The following SLC1A5 variants were observed in gnomAD, a reference collection of about 807,000 sequenced individuals.
SLC1A5 encodes solute carrier family 1 member 5, also known as neutral amino acid transporter B(0).
A neutral mutation model predicts 34.9 loss-of-function variants in SLC1A5; 25 were observed. The observed-to-expected ratio is 0.72, with a 90% CI of 0.52 to 1.00. SLC1A5 has a LOEUF of 1.00. Ranked by LOEUF, SLC1A5 falls within the 50% of genes least tolerant of loss-of-function variation. The pLI, the probability that SLC1A5 is intolerant of heterozygous loss-of-function variation, is 0.00. For missense variants in SLC1A5, 637 were observed against 740.0 expected, an observed-to-expected ratio of 0.86 and a Z score of 1.61; for synonymous variants, 351 against 341.2, an observed-to-expected ratio of 1.03 and a Z score of -0.32.
chr19:46,781,019 G>A (rs1329439866), intron 4 of SLC1A5, among the ~76,000 whole-genome samples: 2 of 152,066 alleles, frequency 1.3e-5, no homozygotes, highest in Non-Finnish European at 2.9e-5. Flanking sequence ...AAAGACCATG[G>A]CCTGGGTCTT....
At position 46,775,087 on chromosome 19, in the gene SLC1A5, ACACG is replaced by A. The variant is rs2055073529; in HGVS notation, c.*419_*422del. On this transcript the variant is annotated 3_prime_UTR_variant, in exon 8 of 8. Coordinates refer to ENST00000542575, the MANE Select transcript of SLC1A5 (RefSeq NM_005628.3). ...CACACACACACACACACACACACAC[ACACG>A]TGCACACACACATCCCCCCACAACT... is the stretch of plus-strand genomic sequence containing the variant. 1.7e-5 allele frequency: 16 copies of A among 954,592 alleles called. No homozygotes were observed. The highest frequency in any genetic ancestry group is 2.0e-5 in the Non-Finnish European group (16 of 799,282). 59.1% of individuals were successfully genotyped at this position (954,592 alleles called of 1,614,324 possible). A position where few individuals can be genotyped will look rare whatever the true frequency, so the allele number is the denominator to read the frequency against.
rs767413682 is a variant in SLC1A5, at chr19:46,782,410, G to A, written c.797C>T (p.Thr266Ile). Residue 266 changes from threonine (T) to isoleucine (I), a missense_variant, in exon 4 of 8, where the codon ACC becomes ATC. Physicochemically the swap from Thr to Ile is moderately conservative, Grantham distance 89. Coordinates refer to ENST00000542575, the MANE Select transcript of SLC1A5 (RefSeq NM_005628.3). The part of the protein sequence containing the change: ...IRFFNSFNEA[T>I]MVLVSWIMWY... ...CATGATCCAGGAGACCAGAACCATG[G>A]TGGCCTCATTGAAGGAGTTGAAGAA... 8 of 1,604,456 alleles carry A rather than the reference G, an allele frequency of 5.0e-6. No individual in the cohort carries two copies. In the South Asian group the frequency reaches 8.8e-5, roughly 18 times the overall value.
rs781385048 is a variant in SLC1A5 at position 46,778,717 on chromosome 19, C to A, written c.1016G>T (p.Gly339Val). 8 of 1,612,182 alleles carry A rather than the reference C, an allele frequency of 5.0e-6. No homozygotes were observed. Among genetic ancestry groups the A allele is most frequent in the African/African-American group, 1.3e-5 (1 of 74,856 alleles). ...TRKNPYRFLW[G>V]IVTPLATAFG... ...GGCAGTGGCCAGCGGCGTCACGATGCCCCACAGGAAGCGGTAGGGGTTTTT... is the reference window on the plus strand; with the variant it reads ...GGCAGTGGCCAGCGGCGTCACGATGACCCACAGGAAGCGGTAGGGGTTTTT... Residue 339 changes from glycine (G) to valine (V), a missense_variant, in exon 5 of 8, where the codon GGC (glycine) becomes GTC (valine). Gly to Val is a moderately radical substitution (Grantham distance 109). Coordinates refer to ENST00000542575, the MANE Select transcript of SLC1A5 (RefSeq NM_005628.3).
At chr19:46,777,809 C>T (rs2055108671) in intron 5 of SLC1A5, among the ~76,000 whole-genome samples, 1 of 151,110 alleles carries the variant, frequency 6.6e-6, no homozygotes, top group Non-Finnish European at 1.5e-5. Context: ...AACCTAGACC[C>T]CCCTTCCCTC....
Position 46,775,209 on chromosome 19 carries a change from G to A in SLC1A5, c.*301C>T. The A allele has an allele frequency of 9.0e-7, 1 of 1,106,082 alleles. No homozygotes were observed. Among genetic ancestry groups the A allele is most frequent in the South Asian group, 2.9e-5 (1 of 34,070 alleles). The allele number at this position is 1,106,082 out of a possible 1,614,324, so 68.5% of individuals were successfully genotyped here. Reference sequence around the variant, plus strand: ...GACCTGTGACCTGCTCCCTGAGACAGGGGAGGCCAGGCAGGTCACGGTGGG... The same window carrying A: ...GACCTGTGACCTGCTCCCTGAGACAAGGGAGGCCAGGCAGGTCACGGTGGG... On this transcript the variant is annotated 3_prime_UTR_variant, in exon 8 of 8. Transcript: ENST00000542575.
In SLC1A5 at chr19:46,777,122, G is replaced by T. The variant is rs1237271128; in HGVS notation, c.1254-13C>A. The stretch of plus-strand genomic sequence containing the variant: ...TGTGGCCGTGACCCTGAGGGAGAAG[G>T]TGGGAGGTTAGGCAGATGCCTGTCT... On this transcript the variant is annotated splice_polypyrimidine_tract_variant and intron_variant, in intron 6 of 7. Coordinates refer to ENST00000542575, the MANE Select transcript of SLC1A5 (RefSeq NM_005628.3). 2 of 1,613,098 alleles carry T rather than the reference G, an allele frequency of 1.2e-6. No individual in the cohort carries two copies. The highest frequency in any genetic ancestry group is 4.5e-5 in the East Asian group (2 of 44,874).
intron 1 of SLC1A5, among the ~76,000 whole-genome samples, chr19:46,786,793 G>A (rs1054511217): frequency 3.3e-5 from 5 of 152,210 alleles, no homozygotes; most frequent in Non-Finnish European, 5.9e-5. Context: ...CCAGACAGAG[G>A]AGGAAACGGG....
In SLC1A5 at chr19:46,787,665, G is replaced by T; in HGVS notation, c.301C>A (p.Arg101=). 6.3e-7 allele frequency: 1 copy of T among 1,590,698 alleles called. No homozygotes were observed. Among genetic ancestry groups the T allele is most frequent in the Non-Finnish European group, 8.5e-7 (1 of 1,172,372 alleles). Residue 101 remains arginine, a synonymous_variant, in exon 1 of 8, where the codon CGG becomes AGG. Transcript: ENST00000542575. This position sits in a 1 kb window ranked among gnomAD's most constrained non-coding sequence, Gnocchi z 5.2. ...FPGELLLRLL[R]MIILPLVVCS... ...ACCACCAGCGGCAAGATGATCATCC[G>T]CAGCAGACGCAGCAGCAGCTCGCCC...
intron 3 of SLC1A5, among the ~76,000 whole-genome samples, chr19:46,783,583 G>T (rs1203037989): frequency 2.0e-5 from 3 of 152,144 alleles, no homozygotes; most frequent in Non-Finnish European, 4.4e-5. Flanking sequence ...GATCACTTGA[G>T]CCCGAGAGTG....
intron 4 of SLC1A5, 41 bp downstream of exon 4, chr19:46,782,342 T>TCCCACCCCCCCCCCCCC: frequency 3.8e-6 from 2 of 523,370 alleles, no homozygotes; most frequent in South Asian, 1.8e-5. Flanking sequence ...AGACCGACCC[T>TCCCACCCCCCCCCCCCC]CCAACCCCAC....
In SLC1A5 at chr19:46,787,488, C is replaced by T. The variant is rs1191248148; in HGVS notation, c.478G>A (p.Ala160Thr). 6.3e-7 allele frequency: 1 copy of T among 1,586,846 alleles called. No homozygotes were observed. The highest frequency in any genetic ancestry group is 1.8e-5 in the Admixed American group (1 of 55,492). The change falls in exon 1 of 8, where the codon GCC becomes ACC. Residue 160 changes from alanine to threonine, a missense_variant. Coordinates refer to ENST00000542575, the MANE Select transcript of SLC1A5 (RefSeq NM_005628.3). The surrounding 1 kb of genome is among the most constrained non-coding windows in gnomAD (Gnocchi z 5.2). ...ALALQPGAAS[A>T]AINASVGAAG... ...GCTCCCACGGAGGCGTTGATGGCGG[C>T]GGAGGCGGCGCCCGGCTGCAGAGCC...
At chr19:46,782,346 A>ACCCCCCCCCCCCCCCCCCCCCAACCCCCC in intron 4 of SLC1A5, 37 bp downstream of exon 4, 1 of 567,986 alleles carries the variant, frequency 1.8e-6, no homozygotes, top group Non-Finnish European at 3.2e-6. Context: ...CGACCCTCCA[A>ACCCCCCCCCCCCCCCCCCCCCAACCCCCC]CCCCACCCAC....
intron 1 of SLC1A5, among the ~76,000 whole-genome samples, chr19:46,786,053 C>CA (rs34681600): frequency 0.33 from 34,184 of 102,306 alleles, 4,603 homozygotes; most frequent in East Asian, 0.56. Context: ...GAGACTGTCT[C>CA]AAAAAAAAAA....
At chr19:46,786,711 G>A (rs756448409) in intron 1 of SLC1A5, among the ~76,000 whole-genome samples, 43 of 152,322 alleles carry the variant, frequency 2.8e-4, no homozygotes, top group Middle Eastern at 6.8e-3. Flanking sequence ...GCGGGGCAGA[G>A]GCCAGGAGAA....
chr19:46,785,117 C>T (rs1215508738), intron 1 of SLC1A5, among the ~76,000 whole-genome samples: 2 of 152,122 alleles, frequency 1.3e-5, no homozygotes, highest in Non-Finnish European at 2.9e-5. Flanking sequence ...CGCCATGGCT[C>T]TTGCCTGGAA....
At chr19:46,779,029 G>C in intron 4 of SLC1A5, 121 bp from the exon 5 acceptor site, 1 of 668,440 alleles carries the variant, frequency 1.5e-6, no homozygotes, top group South Asian at 2.0e-5. Flanking sequence ...CCCCAGCAAT[G>C]TGTGCTTCAG....
rs1423100968 is a variant in SLC1A5, at chr19:46,787,019, G to A, written c.566+381C>T. Among the ~76,000 whole-genome samples the A allele has an allele frequency of 1.3e-5, 2 of 151,976 alleles. No individual in the cohort carries two copies. The highest frequency in any genetic ancestry group is 1.3e-4 in the Admixed American group (2 of 15,250). On this transcript the variant is annotated intron_variant, in intron 1 of 7. Transcript: ENST00000542575. This position sits in a 1 kb window ranked among gnomAD's most constrained non-coding sequence, Gnocchi z 5.2. ...CTCCTTACCCAAACTCTCCAACCCT[G>A]GCCCCAAATTATATCTAGAAGCCCC...
intron 3 of SLC1A5, 137 bp downstream of exon 3, chr19:46,783,960 G>A (rs2055167378): frequency 4.3e-6 from 3 of 690,500 alleles, no homozygotes; most frequent in Non-Finnish European, 5.2e-6. Flanking sequence ...TATCCAGAAG[G>A]CAGAAAAGAC....
At chr19:46,782,619 C>A in intron 3 of SLC1A5, 70 bp from the exon 4 acceptor site, 1 of 1,566,422 alleles carries the variant, frequency 6.4e-7, no homozygotes. Context: ...AGGGCCTGTC[C>A]TTGGCACCAC....
Sources: gnomAD v4.1 joint callset for allele counts (sites outside exome capture counted in the v4.1 genomes callset) on GRCh38, gnomAD v4.1.1 for gene constraint, Gnocchi (gnomAD v3.1) non-coding constraint, MANE v1.5 for transcripts, NCBI Gene and HGNC (gene_info 2026-07-23, HGNC 2026-07-21) for gene names.